Variants in UBR1 observed in about 807,000 individuals in gnomAD.
The protein encoded by UBR1 is ubiquitin protein ligase E3 component n-recognin 1.
A neutral mutation model predicts 242.1 loss-of-function variants in UBR1; 102 were observed. The observed-to-expected ratio is 0.42, with a 90% confidence interval of 0.36 to 0.50. The LOEUF is 0.50. UBR1 is among the 20% of genes least tolerant of loss of function. UBR1 has a pLI of 0.01. For synonymous variants in UBR1, 675 were observed against 684.8 expected, an observed-to-expected ratio of 0.99 and a Z score of 0.22; for missense variants, 1,772 against 2,101.8, an observed-to-expected ratio of 0.84 and a Z score of 3.07.
At chr15:43,034,842 G>A (rs1486126835) in intron 19 of UBR1, among the ~76,000 whole-genome samples, 3 of 149,018 alleles carry the variant, frequency 2.0e-5, no homozygotes, top group Non-Finnish European at 4.4e-5. Flanking sequence ...AGCCGAGATC[G>A]CGCCATTGCA....
intron 1 of UBR1, among the ~76,000 whole-genome samples, chr15:43,094,866 C>A (rs549026835): frequency 6.6e-6 from 1 of 152,110 alleles, no homozygotes; most frequent in Non-Finnish European, 1.5e-5. Flanking sequence ...CATGACAAGT[C>A]CACTCTCTTT....
chr15:43,098,204 C>T (rs2034182866), intron 1 of UBR1, among the ~76,000 whole-genome samples: 1 of 152,180 alleles, frequency 6.6e-6, no homozygotes. Flanking sequence ...AGAACAAACA[C>T]AGCTTTTTTT....
chr15:42,985,736 C>CGG (rs1196603929), intron 35 of UBR1, among the ~76,000 whole-genome samples: 2 of 151,958 alleles, frequency 1.3e-5, no homozygotes, highest in Non-Finnish European at 2.9e-5. Flanking sequence ...TGCCTGTAAT[C>CGG]CCTGGACTTT....
chr15:43,065,010 G>A (rs1330492080), intron 6 of UBR1, among the ~76,000 whole-genome samples: 1 of 152,192 alleles, frequency 6.6e-6, no homozygotes, highest in East Asian at 1.9e-4. Flanking sequence ...GAATGAGACA[G>A]GGTATAAATA....
intron 35 of UBR1, among the ~76,000 whole-genome samples, chr15:42,985,632 C>T (rs188842470): frequency 3.2e-4 from 48 of 152,116 alleles, no homozygotes; most frequent in East Asian, 2.1e-3. Flanking sequence ...GGATTACAGG[C>T]GTGAGCCACT....
chr15:42,998,488 C>T lies in UBR1; in HGVS notation c.3660-223G>A, dbSNP rs1325028804. Among the ~76,000 whole-genome samples the T allele has an allele frequency of 3.3e-5, 5 of 152,144 alleles. No individual in the cohort carries two copies. In the East Asian group the frequency reaches 9.6e-4, roughly 29 times the overall value. ...AAGTCACCACCCACATGCCAATCACCCACAGGTAGTAAATGTCAGTAAATA... is the reference window on the plus strand; with the variant it reads ...AAGTCACCACCCACATGCCAATCACTCACAGGTAGTAAATGTCAGTAAATA... On this transcript the variant is annotated intron_variant, in intron 32 of 46. Transcript: ENST00000290650.
At chr15:43,098,430 CAT>C (rs572064766) in intron 1 of UBR1, among the ~76,000 whole-genome samples, 80 of 152,212 alleles carry the variant, frequency 5.3e-4, no homozygotes, top group African/African-American at 1.9e-3. Flanking sequence ...ACAGGGTTGC[CAT>C]AGACTTTCAA....
intron 37 of UBR1, among the ~76,000 whole-genome samples, chr15:42,980,821 C>T (rs950537077): frequency 6.6e-6 from 1 of 152,076 alleles, no homozygotes; most frequent in East Asian, 1.9e-4. Flanking sequence ...AGGCTGGTCT[C>T]GAACTCCTGA....
chr15:43,079,602 AC>A (rs2033950595), intron 3 of UBR1, among the ~76,000 whole-genome samples: 1 of 152,002 alleles, frequency 6.6e-6, no homozygotes, highest in African/African-American at 2.4e-5. Context: ...ACACGGTGAA[AC>A]CCCGTCTCTA....
intron 36 of UBR1, 55 bp downstream of exon 36, chr15:42,984,832 G>T (rs567370762): frequency 8.4e-6 from 12 of 1,435,842 alleles, no homozygotes; most frequent in South Asian, 1.2e-5. Context: ...AATAAACTGT[G>T]GGGGGGAAAA....
At chr15:43,098,373 A>T (rs1450758284) in intron 1 of UBR1, among the ~76,000 whole-genome samples, 2 of 152,236 alleles carry the variant, frequency 1.3e-5, no homozygotes, top group Non-Finnish European at 2.9e-5. Context: ...AATGACACGA[A>T]GTGAGCACAC....
chr15:43,105,651 G>A (rs1369132901), intron 1 of UBR1, among the ~76,000 whole-genome samples: 1 of 152,056 alleles, frequency 6.6e-6, no homozygotes, highest in Admixed American at 6.6e-5. Flanking sequence ...CCCCGCCTCG[G>A]CCCCCACATC....
intron 12 of UBR1, among the ~76,000 whole-genome samples, chr15:43,053,508 A>G (rs1009255646): frequency 2.6e-5 from 4 of 152,248 alleles, no homozygotes; most frequent in African/African-American, 9.6e-5. Flanking sequence ...ACAAATTTCA[A>G]TTACAATGGC....
At chr15:42,947,317 A>T (rs1481719809) in intron 46 of UBR1, among the ~76,000 whole-genome samples, 1 of 152,198 alleles carries the variant, frequency 6.6e-6, no homozygotes, top group East Asian at 1.9e-4. Context: ...GTCTTTAAAA[A>T]TTTTGGGGAA....
intron 12 of UBR1, among the ~76,000 whole-genome samples, chr15:43,049,517 C>T (rs1333454223): frequency 1.3e-5 from 2 of 151,972 alleles, no homozygotes. Flanking sequence ...GAGCCGAGAT[C>T]GCAACACTGC....
At position 43,045,230 on chromosome 15, in the gene UBR1, A is replaced by C. The variant is rs1596116920; in HGVS notation, c.1669-1835T>G. Among the ~76,000 whole-genome samples, 3 of 152,224 alleles carry C rather than the reference A, an allele frequency of 2.0e-5. No homozygotes were observed. The South Asian group carries it at 6.2e-4, about 32-fold the overall frequency. The stretch of plus-strand genomic sequence containing the variant: ...TCCCAGCACTTTGGGAGGCCAAAGA[A>C]AGAGAATCACTTGGAAGTGAGGAGT... On this transcript the variant is annotated intron_variant, in intron 14 of 46. Coordinates refer to ENST00000290650, the MANE Select transcript of UBR1 (RefSeq NM_174916.3).
chr15:43,023,770 G>A (rs1157857724), intron 25 of UBR1, among the ~76,000 whole-genome samples: 1 of 152,026 alleles, frequency 6.6e-6, no homozygotes, highest in Non-Finnish European at 1.5e-5. Context: ...TAGTGGTGAT[G>A]GTAAAGTAAA....
chr15:43,034,684 G>A (rs529203194), intron 19 of UBR1, among the ~76,000 whole-genome samples: 16 of 151,890 alleles, frequency 1.1e-4, no homozygotes, highest in Middle Eastern at 3.4e-3. Flanking sequence ...TCAGAAGTTC[G>A]AGACCAGCCT....
At chr15:42,995,915 C>T (rs1188416026) in intron 33 of UBR1, among the ~76,000 whole-genome samples, 5 of 152,156 alleles carry the variant, frequency 3.3e-5, no homozygotes, top group Non-Finnish European at 7.3e-5. Context: ...ATGACCAAGT[C>T]CAAATTCTTA....
Sources: gnomAD v4.1 joint callset for allele counts (sites outside exome capture counted in the v4.1 genomes callset) on GRCh38, gnomAD v4.1.1 for gene constraint, MANE v1.5 for transcripts, NCBI Gene and HGNC (gene_info 2026-07-23, HGNC 2026-07-21) for gene names.